The following DMXL1 variants were observed in gnomAD, a reference collection of about 807,000 sequenced individuals.
DMXL1 encodes the protein dmX-like protein 1.
DMXL1 carries 99 observed loss-of-function variants against 319.2 expected under a neutral mutation model. The observed-to-expected ratio is 0.31, with a 90% confidence interval of 0.26 to 0.37. The LOEUF (loss-of-function observed/expected upper bound fraction) is 0.37. Among genes scored for constraint, DMXL1 ranks in the 10% least tolerant of loss-of-function variants. DMXL1 has a pLI of 1.00. For synonymous variants in DMXL1, 1,385 were observed against 1,235.2 expected, an observed-to-expected ratio of 1.12 and a Z score of -2.54; for missense variants, 3,745 against 3,595.6, an observed-to-expected ratio of 1.04 and a Z score of -1.06.
intron 4 of DMXL1, among the ~76,000 whole-genome samples, chr5:119,108,083 C>G (rs145822356): frequency 1.3e-5 from 2 of 152,190 alleles, no homozygotes; most frequent in East Asian, 3.9e-4. Flanking sequence ...AAAACGAGGG[C>G]GAAGCATGCT....
At chr5:119,223,334 G>A (rs991243319) in intron 37 of DMXL1, among the ~76,000 whole-genome samples, 3 of 152,152 alleles carry the variant, frequency 2.0e-5, no homozygotes, top group African/African-American at 7.2e-5. Context: ...TGGGATGACA[G>A]GCATGAGCCA....
chr5:119,196,312 T>C, intron 30 of DMXL1, 59 bp from the exon 31 acceptor site: 1 of 1,304,896 alleles, frequency 7.7e-7, no homozygotes, highest in Non-Finnish European at 1.1e-6. Flanking sequence ...CAAAGGGTAG[T>C]ATACTCTTCT....
At chr5:119,142,894 G>T (rs1767727275) in intron 13 of DMXL1, among the ~76,000 whole-genome samples, 1 of 152,064 alleles carries the variant, frequency 6.6e-6, no homozygotes, top group South Asian at 2.1e-4. Flanking sequence ...CAGGAACATG[G>T]GTGGAGCTGG....
intron 1 of DMXL1, among the ~76,000 whole-genome samples, chr5:119,077,921 G>A (rs1216697241): frequency 6.7e-6 from 1 of 149,306 alleles, no homozygotes; most frequent in African/African-American, 2.5e-5. Context: ...TTTAAGTACA[G>A]ATAGGGTCTC....
At chr5:119,103,461 A>T (rs72784075) in intron 3 of DMXL1, among the ~76,000 whole-genome samples, 1 of 152,348 alleles carries the variant, frequency 6.6e-6, no homozygotes, top group Non-Finnish European at 1.5e-5. Flanking sequence ...CTCAAAGAAT[A>T]TAGTGACTTG....
intron 34 of DMXL1, among the ~76,000 whole-genome samples, chr5:119,208,983 C>G (rs1281628848): frequency 6.6e-6 from 1 of 152,122 alleles, no homozygotes; most frequent in Non-Finnish European, 1.5e-5. Flanking sequence ...GGTTTATAGT[C>G]TGTGTCCATT....
chr5:119,103,720 G>T lies in DMXL1; in HGVS notation c.286-1460G>T, dbSNP rs142035999. On this transcript the variant is annotated intron_variant, in intron 3 of 43. Transcript: ENST00000539542. ...AATTAGTAATTGGCAGTACTAAAAA[G>T]AATTTTTTAAGGCGATTACCCCACC... is the stretch of plus-strand genomic sequence containing the variant. 2.3e-4 allele frequency among the ~76,000 whole-genome samples: 35 copies of T among 152,164 alleles called. 1 individual carries two copies. The highest frequency in any genetic ancestry group is 8.2e-4 in the African/African-American group (34 of 41,540).
chr5:119,202,020 C>T (rs1003348979), intron 32 of DMXL1, among the ~76,000 whole-genome samples: 2 of 152,136 alleles, frequency 1.3e-5, no homozygotes, highest in African/African-American at 4.8e-5. Flanking sequence ...AAAAGACCAA[C>T]TCCTGGATTC....
In DMXL1 at chr5:119,148,811, A is replaced by C; in HGVS notation, c.2984A>C (p.Glu995Ala). The C allele has an allele frequency of 6.2e-7, 1 of 1,613,754 alleles. No homozygotes were observed. Residue 995 changes from glutamate (E) to alanine (A), a missense_variant, in exon 18 of 44, where the codon GAG (glutamate) becomes GCG (alanine). This residue lies in a region of DMXL1 where 2,096 missense variants were observed against 1,985.4 expected (regional missense o/e 1.06). Coordinates refer to ENST00000539542, the MANE Select transcript of DMXL1 (RefSeq NM_001290321.3). ...PYLLATSCSD[E>A]KVRFWRCRVT... Reference sequence around the variant, plus strand: ...TTATTGGCAACTTCATGTTCAGATGAGAAAGTAAGATTCTGGAGATGCAGA... The same window carrying C: ...TTATTGGCAACTTCATGTTCAGATGCGAAAGTAAGATTCTGGAGATGCAGA...
Position 119,116,290 on chromosome 5 carries a change from G to A in DMXL1, c.697G>A (p.Ala233Thr), listed in dbSNP as rs1760825683. The A allele has an allele frequency of 1.2e-5, 20 of 1,613,906 alleles. No individual in the cohort carries two copies. The highest frequency in any genetic ancestry group is 1.7e-5 in the Non-Finnish European group (20 of 1,179,980). Residue 233 changes from alanine (A) to threonine (T), a missense_variant, in exon 7 of 44, where the codon GCA (alanine) becomes ACA (threonine). Coordinates refer to ENST00000539542, the MANE Select transcript of DMXL1 (RefSeq NM_001290321.3). The part of the protein sequence containing the change: ...FSFVYLAHPR[A>T]VNGFSWRKTS... ...TTTTGTGTATCTGGCCCATCCTCGA[G>A]CAGTAAATGGATTTTCCTGGCGTAA...
chr5:119,151,709 A>C (rs758197555), intron 18 of DMXL1, among the ~76,000 whole-genome samples: 1 of 152,152 alleles, frequency 6.6e-6, no homozygotes, highest in Non-Finnish European at 1.5e-5. Context: ...TCAGTTTATA[A>C]AGAGTATCAG....
chr5:119,187,157 G>A (rs1409653321), intron 28 of DMXL1, among the ~76,000 whole-genome samples: 5 of 151,502 alleles, frequency 3.3e-5, no homozygotes, highest in Non-Finnish European at 7.4e-5. Flanking sequence ...TGTTTTTCCT[G>A]TGAATGCCTT....
intron 19 of DMXL1, among the ~76,000 whole-genome samples, chr5:119,164,101 T>G (rs567538331): frequency 9.2e-5 from 14 of 152,188 alleles, no homozygotes; most frequent in African/African-American, 2.9e-4. Context: ...TTGATGTTTT[T>G]TTTTTTTTTT....
intron 30 of DMXL1, among the ~76,000 whole-genome samples, chr5:119,195,177 A>T (rs3992620): frequency 6.6e-6 from 1 of 152,118 alleles, no homozygotes; most frequent in Non-Finnish European, 1.5e-5. Context: ...AACTGTGGAA[A>T]ACGGTATACT....
chr5:119,184,834 C>T (rs1246848792), intron 28 of DMXL1, among the ~76,000 whole-genome samples: 4 of 152,120 alleles, frequency 2.6e-5, no homozygotes, highest in East Asian at 1.9e-4. Context: ...CTGAATGTTC[C>T]GTTGTGTGTG....
At chr5:119,109,274 C>T (rs1321327430) in intron 4 of DMXL1, among the ~76,000 whole-genome samples, 3 of 152,144 alleles carry the variant, frequency 2.0e-5, no homozygotes, top group Non-Finnish European at 2.9e-5. Context: ...TACATATTAT[C>T]TTTCTGGAAA....
intron 2 of DMXL1, among the ~76,000 whole-genome samples, chr5:119,098,477 A>G (rs1044383395): frequency 5.9e-5 from 9 of 151,722 alleles, no homozygotes; most frequent in Admixed American, 1.3e-4. Context: ...GTGAACAGGT[A>G]GTTATCTCCT....
At chr5:119,115,293 A>G (rs909090369) in intron 6 of DMXL1, among the ~76,000 whole-genome samples, 35 of 152,338 alleles carry the variant, frequency 2.3e-4, no homozygotes, top group Admixed American at 2.0e-3. Flanking sequence ...GCTGATGTGT[A>G]TTAGGCTGTT....
In DMXL1 at chr5:119,249,047, G is replaced by C. The variant is rs1009616070; in HGVS notation, c.*1828G>C. On this transcript the variant is annotated 3_prime_UTR_variant, in exon 44 of 44. Coordinates refer to ENST00000539542, the MANE Select transcript of DMXL1 (RefSeq NM_001290321.3). ...AATATTTTAATTGAGCATTTATATG[G>C]ATAATCATACATTATGTAAGCCCAT... is the stretch of plus-strand genomic sequence containing the variant. 6.6e-6 allele frequency: 1 copy of C among 152,432 alleles called. No individual in the cohort carries two copies. Among genetic ancestry groups the C allele is most frequent in the East Asian group, 1.9e-4 (1 of 5,200 alleles). 9.4% of individuals were successfully genotyped at this position (152,432 alleles called of 1,614,324 possible). A position where few individuals can be genotyped will look rare whatever the true frequency, so the allele number is the denominator to read the frequency against.
Sources: allele counts gnomAD v4.1 joint callset (sites outside exome capture counted in the v4.1 genomes callset), GRCh38; gene constraint gnomAD v4.1.1; regional missense constraint gnomAD v4.1.1; transcripts MANE v1.5; gene names NCBI Gene and HGNC (gene_info 2026-07-23, HGNC 2026-07-21).